ARMH4: variants seen among roughly 807,000 people sequenced by gnomAD.
The protein encoded by ARMH4 is armadillo like helical domain containing 4, also known as armadillo-like helical domain-containing protein 4.
ARMH4 carries 49 observed loss-of-function variants against 61.9 expected under a neutral mutation model. That is an observed-to-expected ratio of 0.79 (90% confidence interval 0.63 to 1.00). The LOEUF (loss-of-function observed/expected upper bound fraction) is 1.00, where lower values mean the gene tolerates loss of function less well. Among genes scored for constraint, ARMH4 ranks in the 50% least tolerant of loss-of-function variants. The pLI, the probability that ARMH4 is intolerant of heterozygous loss-of-function variation, is 0.00. For synonymous variants in ARMH4, 368 were observed against 341.5 expected, an observed-to-expected ratio of 1.08 and a Z score of -0.85; for missense variants, 934 against 930.0, an observed-to-expected ratio of 1.00 and a Z score of -0.06.
At chr14:58,087,967 T>C (rs887261767) in intron 5 of ARMH4, among the ~76,000 whole-genome samples, 4 of 152,220 alleles carry the variant, frequency 2.6e-5, no homozygotes, top group African/African-American at 9.6e-5. Flanking sequence ...GTTCTCTTTC[T>C]GACTTTTGGT....
intron 5 of ARMH4, among the ~76,000 whole-genome samples, chr14:58,070,785 T>C (rs1254294996): frequency 6.6e-6 from 1 of 152,226 alleles, no homozygotes; most frequent in Non-Finnish European, 1.5e-5. Context: ...CCTGTTGTGA[T>C]ACCAAATAGT....
chr14:58,012,013 C>T, intron 6 of ARMH4, 106 bp downstream of exon 6: 1 of 798,236 alleles, frequency 1.3e-6, no homozygotes, highest in South Asian at 1.8e-5. Flanking sequence ...AGATAGATTA[C>T]CAGAATCAGA....
Position 58,141,860 on chromosome 14 carries a change from T to C in ARMH4, c.-56-2446A>G, listed in dbSNP as rs184685974. Reference sequence around the variant, plus strand: ...CAAAACATGTTTCAAAATTTAAGGATTAGAAAAGGTTTAAGAGTTAAGCAA... The same window carrying C: ...CAAAACATGTTTCAAAATTTAAGGACTAGAAAAGGTTTAAGAGTTAAGCAA... On this transcript the variant is annotated intron_variant, in intron 1 of 7. Coordinates refer to ENST00000267485, the MANE Select transcript of ARMH4 (RefSeq NM_001001872.4). Among the ~76,000 whole-genome samples the C allele has an allele frequency of 3.3e-5, 5 of 152,288 alleles. No homozygotes were observed. In the South Asian group the frequency reaches 6.2e-4, roughly 19 times the overall value.
rs372422002 is a variant in ARMH4, at chr14:58,112,967, CATTTTT to C, written c.1832-15992_1832-15987del. Among the ~76,000 whole-genome samples the C allele has an allele frequency of 1.7e-4, 26 of 152,214 alleles. No homozygotes were observed. In the East Asian group the frequency reaches 2.7e-3, roughly 16 times the overall value. On this transcript the variant is annotated intron_variant, in intron 4 of 7. Transcript: ENST00000267485. ...TTTCATTACAATGTATCTTGTTGAGCATTTTTATTTTTAACTTTTTTTATTGATGTA... is the reference window on the plus strand; with the variant it reads ...TTTCATTACAATGTATCTTGTTGAGCATTTTTAACTTTTTTTATTGATGTA...
chr14:58,017,370 T>C lies in ARMH4; in HGVS notation c.2090-5220A>G, dbSNP rs1211814855. 3.9e-5 allele frequency among the ~76,000 whole-genome samples: 6 copies of C among 152,136 alleles called. No individual in the cohort carries two copies. The East Asian group carries it at 1.2e-3, about 29-fold the overall frequency. On this transcript the variant is annotated intron_variant, in intron 5 of 7. Coordinates refer to ENST00000267485, the MANE Select transcript of ARMH4 (RefSeq NM_001001872.4). ...CTGTTTGCAGATGACATAATCTTAT[T>C]TGTATAAAAATGTAAAACTAAAAAC...
intron 5 of ARMH4, among the ~76,000 whole-genome samples, chr14:58,044,867 A>G (rs991860106): frequency 4.6e-5 from 7 of 152,242 alleles, no homozygotes; most frequent in African/African-American, 7.2e-5. Flanking sequence ...AAAAATGCTC[A>G]TCGTCACTGG....
chr14:58,056,169 C>T (rs2141207503), intron 5 of ARMH4, among the ~76,000 whole-genome samples: 1 of 152,322 alleles, frequency 6.6e-6, no homozygotes, highest in South Asian at 2.1e-4. Context: ...TTTCTCCCAA[C>T]TTAAGAAGAG....
intron 4 of ARMH4, among the ~76,000 whole-genome samples, chr14:58,127,381 C>T (rs923268608): frequency 6.6e-6 from 1 of 152,124 alleles, no homozygotes; most frequent in Non-Finnish European, 1.5e-5. Context: ...AAGGGCAGTT[C>T]CCCTATACAA....
chr14:58,148,846 T>TACACACACAC (rs138826141), intron 1 of ARMH4, among the ~76,000 whole-genome samples: 12 of 145,824 alleles, frequency 8.2e-5, no homozygotes, highest in African/African-American at 2.3e-4. Context: ...CAGAGTTTAT[T>TACACACACAC]ACACACACAC....
chr14:58,063,490 T>C (rs969748305), intron 5 of ARMH4, among the ~76,000 whole-genome samples: 1 of 152,206 alleles, frequency 6.6e-6, no homozygotes, highest in East Asian at 1.9e-4. Flanking sequence ...AGAAGATTCA[T>C]GTGTTCTTTT....
At chr14:58,086,260 A>G (rs1479922559) in intron 5 of ARMH4, among the ~76,000 whole-genome samples, 1 of 152,214 alleles carries the variant, frequency 6.6e-6, no homozygotes, top group African/African-American at 2.4e-5. Context: ...AGAATCACTC[A>G]AAGTTCATTC....
intron 1 of ARMH4, among the ~76,000 whole-genome samples, chr14:58,140,829 G>C (rs1484965792): frequency 6.6e-6 from 1 of 152,096 alleles, no homozygotes; most frequent in East Asian, 1.9e-4. Context: ...CTTGAACCCG[G>C]GAGGCGGAGG....
intron 5 of ARMH4, among the ~76,000 whole-genome samples, chr14:58,023,470 A>C (rs1882916465): frequency 6.6e-6 from 1 of 152,166 alleles, no homozygotes; most frequent in Non-Finnish European, 1.5e-5. Flanking sequence ...GGCTCCATTT[A>C]TAATTCTAAT....
chr14:58,023,542 C>T (rs984423872), intron 5 of ARMH4, among the ~76,000 whole-genome samples: 12 of 152,152 alleles, frequency 7.9e-5, no homozygotes, highest in African/African-American at 2.4e-4. Context: ...AACCCCTCAA[C>T]GTCATCCATA....
rs868820108 is a variant in ARMH4, at chr14:58,055,446, T to C, written c.2089+41278A>G. On this transcript the variant is annotated intron_variant, in intron 5 of 7. Coordinates refer to ENST00000267485, the MANE Select transcript of ARMH4 (RefSeq NM_001001872.4). ...ATGAGGTAGAATAAATAGGGCTCTTTCCTGGGTGTCAGGATCTTACAGTCT... is the reference window on the plus strand; with the variant it reads ...ATGAGGTAGAATAAATAGGGCTCTTCCCTGGGTGTCAGGATCTTACAGTCT... 2.0e-5 allele frequency among the ~76,000 whole-genome samples: 3 copies of C among 152,360 alleles called. No individual in the cohort carries two copies. In the South Asian group the frequency reaches 6.2e-4, roughly 32 times the overall value.
At chr14:58,108,352 A>G (rs1416645994) in intron 4 of ARMH4, among the ~76,000 whole-genome samples, 1 of 152,226 alleles carries the variant, frequency 6.6e-6, no homozygotes, top group Admixed American at 6.5e-5. Context: ...TACCGTATTT[A>G]TCTTATTAAG....
chr14:58,114,011 A>G (rs1305851343), intron 4 of ARMH4, among the ~76,000 whole-genome samples: 1 of 152,078 alleles, frequency 6.6e-6, no homozygotes, highest in Non-Finnish European at 1.5e-5. Context: ...AGTAAAGAGT[A>G]AGCCAATCTT....
rs370101776 is a variant in ARMH4, at chr14:58,140,549, C to G, written c.-56-1135G>C. On this transcript the variant is annotated intron_variant, in intron 1 of 7. Coordinates refer to ENST00000267485, the MANE Select transcript of ARMH4 (RefSeq NM_001001872.4). Reference sequence around the variant, plus strand: ...TGAGCTGAGATCATGCCACTGCACTCCAGCCTGGACAGGAGAATCCGTCTC... The same window carrying G: ...TGAGCTGAGATCATGCCACTGCACTGCAGCCTGGACAGGAGAATCCGTCTC... Among the ~76,000 whole-genome samples, 53 of 151,844 alleles carry G rather than the reference C, an allele frequency of 3.5e-4. 2 individuals are homozygous for G. Among genetic ancestry groups the G allele is most frequent in the Admixed American group, 1.2e-3 (19 of 15,264 alleles).
intron 5 of ARMH4, among the ~76,000 whole-genome samples, chr14:58,032,866 C>T (rs1157902587): frequency 6.6e-6 from 1 of 152,058 alleles, no homozygotes. Flanking sequence ...CGGCGCACCA[C>T]GAGACTATAT....
Sources: gnomAD v4.1 joint callset for allele counts (sites outside exome capture counted in the v4.1 genomes callset) on GRCh38, gnomAD v4.1.1 for gene constraint, MANE v1.5 for transcripts, NCBI Gene and HGNC (gene_info 2026-07-23, HGNC 2026-07-21) for gene names.